FHIT: variants seen among roughly 807,000 people sequenced by gnomAD.
FHIT encodes fragile histidine triad diadenosine triphosphatase.
Under a neutral mutation model 17.9 loss-of-function variants are expected in FHIT, and 19 were observed. That is an observed-to-expected ratio of 1.06 (90% CI 0.74 to 1.56). The LOEUF (loss-of-function observed/expected upper bound fraction) is 1.56. Ranked by LOEUF, FHIT falls within the 40% of genes most tolerant of loss-of-function variation. The pLI is 0.00. For missense variants in FHIT, 248 were observed against 189.2 expected (o/e 1.31, Z -1.82); for synonymous variants, 81 against 69.7 (o/e 1.16, Z -0.81).
intron 2 of FHIT, among the ~76,000 whole-genome samples, chr3:61,150,084 CAT>C (rs2037342255): frequency 6.6e-6 from 1 of 151,984 alleles, no homozygotes; most frequent in Non-Finnish European, 1.5e-5. Context: ...GAAAATCTTC[CAT>C]ATGTTTGGCA....
chr3:60,800,433 G>C (rs1448857730), intron 4 of FHIT, among the ~76,000 whole-genome samples: 2 of 152,140 alleles, frequency 1.3e-5, no homozygotes, highest in African/African-American at 4.8e-5. Context: ...ATCATTGGCA[G>C]CCTTAGCCTG....
At chr3:60,978,897 T>C (rs1710374252) in intron 3 of FHIT, among the ~76,000 whole-genome samples, 1 of 152,128 alleles carries the variant, frequency 6.6e-6, no homozygotes, top group African/African-American at 2.4e-5. Flanking sequence ...TTGTGTAGAG[T>C]TGTAACCACA....
At chr3:60,746,594 A>C (rs1201283403) in intron 4 of FHIT, among the ~76,000 whole-genome samples, 1 of 152,110 alleles carries the variant, frequency 6.6e-6, no homozygotes, top group African/African-American at 2.4e-5. Flanking sequence ...AAAGGAAGAG[A>C]GAGTAAGAAG....
rs192802871 is a variant in FHIT, at chr3:59,772,035, A to G, written c.349-19714T>C. Among the ~76,000 whole-genome samples, 3 of 152,332 alleles carry G rather than the reference A, an allele frequency of 2.0e-5. No individual in the cohort carries two copies. The East Asian group carries it at 5.8e-4, about 29-fold the overall frequency. ...CTTTATGACACACTAAAACAAACAC[A>G]TAACATGCACTCGCACAACCTTGAC... is the stretch of plus-strand genomic sequence containing the variant. On this transcript the variant is annotated intron_variant, in intron 8 of 9. Transcript: ENST00000492590.
At chr3:59,833,558 C>A (rs1256916382) in intron 8 of FHIT, among the ~76,000 whole-genome samples, 1 of 152,116 alleles carries the variant, frequency 6.6e-6, no homozygotes, top group Non-Finnish European at 1.5e-5. Flanking sequence ...AACTATGAAA[C>A]AATAAATTTC....
chr3:60,457,425 T>C (rs573571527), intron 5 of FHIT, among the ~76,000 whole-genome samples: 6 of 151,872 alleles, frequency 4.0e-5, no homozygotes, highest in Admixed American at 1.3e-4. Flanking sequence ...TATACAAAAA[T>C]GAATTCAAGA....
intron 4 of FHIT, among the ~76,000 whole-genome samples, chr3:60,629,576 C>T (rs939514095): frequency 6.6e-6 from 1 of 152,128 alleles, no homozygotes; most frequent in East Asian, 1.9e-4. Context: ...TGATGAAAGC[C>T]GTGTCTAGTA....
chr3:61,225,975 A>G (rs1287772158), intron 1 of FHIT, among the ~76,000 whole-genome samples: 2 of 152,206 alleles, frequency 1.3e-5, no homozygotes, highest in African/African-American at 4.8e-5. Flanking sequence ...CTATAAGAGC[A>G]GTCAAGTGTT....
chr3:61,101,415 C>A (rs1308924358), intron 2 of FHIT, among the ~76,000 whole-genome samples: 1 of 152,134 alleles, frequency 6.6e-6, no homozygotes, highest in Non-Finnish European at 1.5e-5. Context: ...TTCCGTTGGT[C>A]TATCTCTCTG....
chr3:59,943,810 G>A (rs981391109), intron 7 of FHIT, among the ~76,000 whole-genome samples: 1 of 152,172 alleles, frequency 6.6e-6, no homozygotes, highest in African/African-American at 2.4e-5. Context: ...GGACAGGATA[G>A]TGGAGAAAAA....
rs1282001825 is a variant in FHIT at position 59,747,722 on chromosome 3, C to T, written c.*1863G>A. 6.6e-6 allele frequency among the ~76,000 whole-genome samples: 1 copy of T among 151,966 alleles called. No homozygotes were observed. Among genetic ancestry groups the T allele is most frequent in the Non-Finnish European group, 1.5e-5 (1 of 68,000 alleles). On this transcript the variant is annotated 3_prime_UTR_variant, in exon 10 of 10. Transcript: ENST00000492590. Reference sequence around the variant, plus strand: ...TCAGAGGCAAGCACTGAGATTTGACCCATCAGCCCTAGGGAAGCTGACTCT... The same window carrying T: ...TCAGAGGCAAGCACTGAGATTTGACTCATCAGCCCTAGGGAAGCTGACTCT...
Position 61,222,427 on chromosome 3 carries a change from T to C in FHIT, c.-212-21762A>G, listed in dbSNP as rs533079929. 3.9e-5 allele frequency among the ~76,000 whole-genome samples: 6 copies of C among 152,288 alleles called. No individual in the cohort carries two copies. The East Asian group carries it at 5.8e-4, about 15-fold the overall frequency. ...ATTGGTAGAGAATGGCGGTCACAAA[T>C]GCCTGCTGGCTCATGGCTTTGCAAC... On this transcript the variant is annotated intron_variant, in intron 1 of 9. Coordinates refer to ENST00000492590, the MANE Select transcript of FHIT (RefSeq NM_002012.4).
chr3:60,907,069 T>C (rs6765028), intron 3 of FHIT, among the ~76,000 whole-genome samples: 40,037 of 151,888 alleles, frequency 0.26, 5,385 homozygotes, highest in Middle Eastern at 0.33. Context: ...GAAAGGTTCT[T>C]GGGACACAAA....
At chr3:60,644,048 G>C (rs2039792683) in intron 4 of FHIT, among the ~76,000 whole-genome samples, 1 of 152,184 alleles carries the variant, frequency 6.6e-6, no homozygotes, top group African/African-American at 2.4e-5. Flanking sequence ...ATGGCTGGTA[G>C]AGCTTGGCAA....
intron 4 of FHIT, among the ~76,000 whole-genome samples, chr3:60,546,928 C>A (rs987723127): frequency 6.6e-6 from 1 of 152,066 alleles, no homozygotes; most frequent in Non-Finnish European, 1.5e-5. Context: ...GGTAAAAATC[C>A]TCCCCATATA....
chr3:60,432,155 T>C (rs1433968617), intron 5 of FHIT, among the ~76,000 whole-genome samples: 2 of 152,072 alleles, frequency 1.3e-5, no homozygotes, highest in African/African-American at 2.4e-5. Flanking sequence ...TTTGTATTTT[T>C]TGTAGAGATA....
chr3:60,549,371 A>G (rs1053051597), intron 4 of FHIT, among the ~76,000 whole-genome samples: 5 of 152,168 alleles, frequency 3.3e-5, no homozygotes, highest in African/African-American at 1.2e-4. Context: ...AGCAATTTAT[A>G]TGATATGTTA....
chr3:60,133,163 C>A (rs1367135731), intron 5 of FHIT, among the ~76,000 whole-genome samples: 1 of 152,052 alleles, frequency 6.6e-6, no homozygotes, highest in Non-Finnish European at 1.5e-5. Flanking sequence ...TTAGGCTGGA[C>A]AGTGAAGACA....
At chr3:61,227,776 G>T (rs542668161) in intron 1 of FHIT, among the ~76,000 whole-genome samples, 1 of 152,050 alleles carries the variant, frequency 6.6e-6, no homozygotes, top group African/African-American at 2.4e-5. Flanking sequence ...AGGAAAAACC[G>T]GATATATTCA....
Sources: gnomAD v4.1 joint callset for allele counts (sites outside exome capture counted in the v4.1 genomes callset) on GRCh38, gnomAD v4.1.1 for gene constraint, MANE v1.5 for transcripts, NCBI Gene and HGNC (gene_info 2026-07-23, HGNC 2026-07-21) for gene names.